STK32A: variants seen among roughly 807,000 people sequenced by gnomAD.
STK32A encodes the protein serine/threonine kinase 32A, also known as serine/threonine-protein kinase 32A.
STK32A carries 41 observed loss-of-function variants against 53.2 expected under a neutral mutation model. That is an observed-to-expected ratio of 0.77 (90% CI 0.60 to 1.00). The LOEUF is 1.00. STK32A is among the 50% of genes least tolerant of loss of function. STK32A has a pLI of 0.00. For synonymous variants in STK32A, 166 were observed against 162.8 expected, an observed-to-expected ratio of 1.02 and a Z score of -0.15; for missense variants, 458 against 485.8, an observed-to-expected ratio of 0.94 and a Z score of 0.54.
intron 4 of STK32A, among the ~76,000 whole-genome samples, chr5:147,297,132 A>G (rs1483395193): frequency 6.6e-6 from 1 of 152,224 alleles, no homozygotes; most frequent in Non-Finnish European, 1.5e-5. Context: ...AGGCATTTCC[A>G]AAGAGTGGCA....
intron 8 of STK32A, among the ~76,000 whole-genome samples, chr5:147,363,783 T>G (rs927288187): frequency 6.6e-6 from 1 of 152,240 alleles, no homozygotes. Flanking sequence ...TTGCTCATTT[T>G]CTGCAATATG....
chr5:147,275,025 A>C (rs1044822473), intron 2 of STK32A, among the ~76,000 whole-genome samples: 4 of 152,248 alleles, frequency 2.6e-5, no homozygotes, highest in African/African-American at 9.6e-5. Flanking sequence ...TAGACTACAC[A>C]AAAACAGATT....
chr5:147,361,610 G>T lies in STK32A; in HGVS notation c.656G>T (p.Gly219Val). 2 of 1,605,854 alleles carry T rather than the reference G, an allele frequency of 1.2e-6. No individual in the cohort carries two copies. Among genetic ancestry groups the T allele is most frequent in the Admixed American group, 1.7e-5 (1 of 59,816 alleles). ...GTGACGGCATATGAACTGCTGAGAG[G>T]CCGGGTACTGTAGTAGCATTTCCTC... ...LGVTAYELLR[G>V]RRPYHIRSST... The change falls in exon 8 of 13, where the codon GGC (glycine) becomes GTC (valine). Residue 219 changes from glycine to valine, a missense_variant. Physicochemically the swap from Gly to Val is moderately radical, Grantham distance 109 (BLOSUM62 -3). Transcript: ENST00000397936.
intron 5 of STK32A, among the ~76,000 whole-genome samples, chr5:147,331,229 C>G (rs915126241): frequency 6.6e-6 from 1 of 152,072 alleles, no homozygotes; most frequent in Non-Finnish European, 1.5e-5. Context: ...CTACAAAGCA[C>G]CTATGTCACT....
intron 4 of STK32A, among the ~76,000 whole-genome samples, chr5:147,312,421 T>C (rs1374521281): frequency 6.6e-6 from 1 of 152,170 alleles, no homozygotes; most frequent in East Asian, 1.9e-4. Flanking sequence ...TTACTATAAA[T>C]ATTATATGGT....
Position 147,370,323 on chromosome 5 carries a change from T to C in STK32A, c.661-331T>C, listed in dbSNP as rs78969184. Among the ~76,000 whole-genome samples, 56 of 152,340 alleles carry C rather than the reference T, an allele frequency of 3.7e-4. No individual in the cohort carries two copies. In the East Asian group the frequency reaches 0.011, roughly 29 times the overall value. On this transcript the variant is annotated intron_variant, in intron 8 of 12. Coordinates refer to ENST00000397936, the MANE Select transcript of STK32A (RefSeq NM_001112724.2). ...TTGTCCAGTATTTCGTGTTAATACT[T>C]ATATAATACCTTATAAAACAATTTC... is the stretch of plus-strand genomic sequence containing the variant.
intron 4 of STK32A, among the ~76,000 whole-genome samples, chr5:147,307,624 CAAAAAAA>C (rs34762967): frequency 2.7e-5 from 2 of 75,298 alleles, no homozygotes; most frequent in African/African-American, 5.3e-5. Context: ...GACGCTGTCT[CAAAAAAA>C]AAAAAAAAAA....
intron 7 of STK32A, among the ~76,000 whole-genome samples, chr5:147,351,486 A>T (rs764938062): frequency 1.9e-4 from 29 of 152,152 alleles, no homozygotes; most frequent in Non-Finnish European, 3.4e-4. Flanking sequence ...ACCCTGTAGA[A>T]AGCAACACAG....
intron 4 of STK32A, among the ~76,000 whole-genome samples, chr5:147,321,795 T>A (rs922961512): frequency 6.6e-6 from 1 of 152,224 alleles, no homozygotes; most frequent in African/African-American, 2.4e-5. Context: ...GTGAATCACA[T>A]CTGCTCTGTA....
rs187488804 is a variant in STK32A at position 147,385,114 on chromosome 5, A to G, written c.*1131A>G. The G allele has an allele frequency of 6.6e-6, 1 of 152,178 alleles. No individual in the cohort carries two copies. The highest frequency in any genetic ancestry group is 1.9e-4 in the East Asian group (1 of 5,174). 9.4% of individuals were successfully genotyped at this position (152,178 alleles called of 1,614,324 possible). A position where few individuals can be genotyped will look rare whatever the true frequency, so the allele number is the denominator to read the frequency against. On this transcript the variant is annotated 3_prime_UTR_variant, in exon 13 of 13. Coordinates refer to ENST00000397936, the MANE Select transcript of STK32A (RefSeq NM_001112724.2). ...CCAGATGAGCTAAAATGTTGAACAAATTATACTTGTTTTTATAGACTAGAA... is the reference window on the plus strand; with the variant it reads ...CCAGATGAGCTAAAATGTTGAACAAGTTATACTTGTTTTTATAGACTAGAA...
downstream of STK32A, chr5:147,392,622 C>T (rs1403686322): frequency 6.6e-6 from 1 of 152,240 alleles, no homozygotes; most frequent in Admixed American, 6.5e-5. Flanking sequence ...ACTGAATTTT[C>T]AGAAGCAGCA....
At chr5:147,308,890 G>A (rs1460220844) in intron 4 of STK32A, among the ~76,000 whole-genome samples, 1 of 150,800 alleles carries the variant, frequency 6.6e-6, no homozygotes, top group African/African-American at 2.4e-5. Flanking sequence ...ATCCTCTTGT[G>A]TATATTACTG....
At chr5:147,279,209 C>T (rs746750117) in intron 3 of STK32A, 38 bp from the exon 4 acceptor site, 94 of 1,570,478 alleles carry the variant, frequency 6.0e-5, no homozygotes, top group Non-Finnish European at 6.2e-5. Context: ...GATCCATTAT[C>T]TCCCTAATCA....
chr5:147,394,239 T>C, the STK32A span: 2 of 996,662 alleles, frequency 2.0e-6, no homozygotes, highest in East Asian at 2.6e-5. Context: ...AGTGCCTTGC[T>C]GGCCTCACCT....
chr5:147,324,866 G>C (rs893761463), intron 5 of STK32A, among the ~76,000 whole-genome samples: 17 of 152,122 alleles, frequency 1.1e-4, no homozygotes, highest in African/African-American at 4.1e-4. Flanking sequence ...AACAACTAGT[G>C]TTTACTGGTT....
intron 2 of STK32A, among the ~76,000 whole-genome samples, chr5:147,268,763 C>A (rs1864937): frequency 0.59 from 89,566 of 151,836 alleles, 26,767 homozygotes; most frequent in African/African-American, 0.67. Flanking sequence ...CAATCCTAGA[C>A]CAAGGCATCT....
intron 8 of STK32A, among the ~76,000 whole-genome samples, chr5:147,369,438 T>C (rs982094950): frequency 6.6e-6 from 1 of 152,320 alleles, no homozygotes; most frequent in African/African-American, 2.4e-5. Flanking sequence ...CTCTCTCTTA[T>C]ATTGTGTCTA....
rs1476480165 is a variant in STK32A, at chr5:147,383,993, G to A, written c.*10G>A. On this transcript the variant is annotated 3_prime_UTR_variant, in exon 13 of 13. Coordinates refer to ENST00000397936, the MANE Select transcript of STK32A (RefSeq NM_001112724.2). ...GAATAACAACTTGTAAAGGCCTCAT[G>A]TCTTCTTCTTGGGACAATCTCATGC... 2.5e-6 allele frequency: 4 copies of A among 1,597,358 alleles called. No homozygotes were observed. In the Admixed American group the frequency reaches 5.3e-5, roughly 21 times the overall value.
intron 4 of STK32A, among the ~76,000 whole-genome samples, chr5:147,293,546 C>T (rs1752713839): frequency 7.1e-6 from 1 of 141,388 alleles, no homozygotes; most frequent in African/African-American, 2.6e-5. Context: ...GAAAGTTTGT[C>T]AAATATCAAA....
Sources: allele counts gnomAD v4.1 joint callset (sites outside exome capture counted in the v4.1 genomes callset), GRCh38; gene constraint gnomAD v4.1.1; transcripts MANE v1.5; gene names NCBI Gene and HGNC (gene_info 2026-07-23, HGNC 2026-07-21).